MTCL1: variants seen among roughly 807,000 people sequenced by gnomAD.
MTCL1 encodes the protein microtubule crosslinking factor 1, also known as microtubule cross-linking factor 1.
MTCL1 carries 79 observed loss-of-function variants against 141.4 expected under a neutral mutation model. The observed-to-expected ratio is 0.56, with a 90% confidence interval of 0.47 to 0.67. The LOEUF (loss-of-function observed/expected upper bound fraction) is 0.67, where lower values mean the gene tolerates loss of function less well. MTCL1 is among the 30% of genes least tolerant of loss of function. The pLI is 0.00. For synonymous variants in MTCL1, 914 were observed against 875.8 expected (o/e 1.04, Z -0.77); for missense variants, 2,177 against 2,113.9 (o/e 1.03, Z -0.59).
exon 11 of MTCL1, chr18:8,807,049 C>T (rs376144386): frequency 9.3e-6 from 15 of 1,613,028 alleles, no homozygotes; most frequent in East Asian, 6.7e-5. Context: ...GCTCAAGTGC[C>T]GTCTGGAACA....
chr18:8,737,725 GA>G (rs2096281510), intron 4 of MTCL1, among the ~76,000 whole-genome samples: 1 of 152,184 alleles, frequency 6.6e-6, no homozygotes, highest in Non-Finnish European at 1.5e-5. Flanking sequence ...CCCATGGGGG[GA>G]AAGTAGCCCT....
intron 12 of MTCL1, 112 bp downstream of exon 11, chr18:8,813,345 A>C: frequency 7.9e-7 from 1 of 1,269,330 alleles, no homozygotes; most frequent in Non-Finnish European, 1.1e-6. Flanking sequence ...ATCAGGATGC[A>C]TGGGCTTCCA....
intron 9 of MTCL1, among the ~76,000 whole-genome samples, chr18:8,797,583 C>T (rs2075970750): frequency 6.6e-6 from 1 of 152,158 alleles, no homozygotes; most frequent in South Asian, 2.1e-4. Flanking sequence ...CTTTTTAGCT[C>T]CCAAAGACCT....
intron 4 of MTCL1, among the ~76,000 whole-genome samples, chr18:8,730,543 G>A (rs768842592): frequency 1.3e-5 from 2 of 152,236 alleles, no homozygotes; most frequent in African/African-American, 4.8e-5. Context: ...AAATTGGCCT[G>A]TTTGGTTAGT....
intron 4 of MTCL1, among the ~76,000 whole-genome samples, chr18:8,775,298 C>A (rs181081974): frequency 6.6e-6 from 1 of 151,690 alleles, no homozygotes; most frequent in African/African-American, 2.4e-5. Flanking sequence ...TGGCCGGGCA[C>A]GGTGGCTCAA....
chr18:8,771,270 T>C (rs2096484220), intron 4 of MTCL1, among the ~76,000 whole-genome samples: 1 of 152,152 alleles, frequency 6.6e-6, no homozygotes, highest in African/African-American at 2.4e-5. Context: ...ATTACAGGCG[T>C]GAGCTCCCAT....
At chr18:8,751,380 C>T (rs899050444) in intron 4 of MTCL1, among the ~76,000 whole-genome samples, 5 of 152,150 alleles carry the variant, frequency 3.3e-5, no homozygotes, top group Non-Finnish European at 7.3e-5. Context: ...GAGTGAAACG[C>T]GATGCTTGAT....
intron 10 of MTCL1, among the ~76,000 whole-genome samples, chr18:8,803,853 C>A (rs1758745199): frequency 6.6e-6 from 1 of 152,194 alleles, no homozygotes; most frequent in Non-Finnish European, 1.5e-5. Context: ...TCCAGAGAAA[C>A]CAAGTTTCCA....
chr18:8,782,736 G>GT (rs1238584714), intron 5 of MTCL1: 1 of 152,282 alleles, frequency 6.6e-6, no homozygotes, highest in African/African-American at 2.4e-5. Flanking sequence ...AGGCTCTGAA[G>GT]TTGCACTTGC....
intron 1 of MTCL1, chr18:8,717,624 G>C (rs1194478871): frequency 6.5e-6 from 1 of 152,740 alleles, no homozygotes; most frequent in South Asian, 2.1e-4. Flanking sequence ...GCACCTGTGT[G>C]TCTCCACTTA....
intron 5 of MTCL1, among the ~76,000 whole-genome samples, chr18:8,778,805 A>G (rs1458225078): frequency 6.6e-6 from 1 of 152,224 alleles, no homozygotes; most frequent in Non-Finnish European, 1.5e-5. Flanking sequence ...CTGGGCTGAG[A>G]GTGTTTTCAG....
chr18:8,737,967 C>T (rs1316851723), intron 4 of MTCL1, among the ~76,000 whole-genome samples: 6 of 152,110 alleles, frequency 3.9e-5, no homozygotes, highest in East Asian at 1.9e-4. Context: ...GTGTTGGTCT[C>T]GAAGAATCAA....
intron 6 of MTCL1, among the ~76,000 whole-genome samples, chr18:8,785,489 G>A (rs974487690): frequency 6.6e-6 from 1 of 152,134 alleles, no homozygotes; most frequent in Non-Finnish European, 1.5e-5. Flanking sequence ...TGCTGTCCTA[G>A]CCTCGCCTGG....
chr18:8,788,016 G>A (rs866880432), intron 7 of MTCL1, among the ~76,000 whole-genome samples: 1 of 151,804 alleles, frequency 6.6e-6, no homozygotes, highest in Non-Finnish European at 1.5e-5. Context: ...TAATTCTGGG[G>A]GCAGAACTCT....
chr18:8,805,166 A>G (rs2076255651), intron 10 of MTCL1, among the ~76,000 whole-genome samples: 1 of 151,204 alleles, frequency 6.6e-6, no homozygotes, highest in South Asian at 2.1e-4. Flanking sequence ...TATATGGTAT[A>G]TTGCATGTTG....
intron 5 of MTCL1, among the ~76,000 whole-genome samples, chr18:8,780,002 T>C (rs772594534): frequency 6.6e-6 from 1 of 152,036 alleles, no homozygotes; most frequent in African/African-American, 2.4e-5. Context: ...TTTCCAGAAA[T>C]CAAGGTGATT....
At chr18:8,761,189 T>C (rs891237474) in intron 4 of MTCL1, among the ~76,000 whole-genome samples, 9 of 152,152 alleles carry the variant, frequency 5.9e-5, no homozygotes, top group African/African-American at 1.4e-4. Flanking sequence ...AAAGAGAATA[T>C]ATAGGGCTGT....
intron 10 of MTCL1, among the ~76,000 whole-genome samples, chr18:8,805,697 T>C (rs1230555678): frequency 1.3e-5 from 2 of 152,102 alleles, no homozygotes; most frequent in African/African-American, 4.8e-5. Context: ...GGCTCTGTTT[T>C]TCCATAGTAG....
chr18:8,829,447 A>C (rs2077127479), intron 16 of MTCL1: 1 of 970,140 alleles, frequency 1.0e-6, no homozygotes, highest in Admixed American at 6.2e-5. Context: ...CAAGGAATGA[A>C]CCCAAATATA....
Sources: gnomAD v4.1 joint callset for allele counts (sites outside exome capture counted in the v4.1 genomes callset) on GRCh38, gnomAD v4.1.1 for gene constraint, MANE v1.5 for transcripts, NCBI Gene and HGNC (gene_info 2026-07-23, HGNC 2026-07-21) for gene names.